SCRG1: variants seen among roughly 807,000 people sequenced by gnomAD.
The protein encoded by SCRG1 is scrapie-responsive protein 1.
Under a neutral mutation model 7.7 loss-of-function variants are expected in SCRG1, and 3 were observed. The ratio of observed to expected loss-of-function variants is 0.39; its 90% CI spans 0.18 to 1.01. The LOEUF (loss-of-function observed/expected upper bound fraction) is 1.01, where lower values mean the gene tolerates loss of function less well. SCRG1 is among the 50% of genes least tolerant of loss of function. The pLI is 0.36. For missense variants in SCRG1, 110 were observed against 117.2 expected (o/e 0.94, Z 0.28); for synonymous variants, 46 against 41.2 (o/e 1.12, Z -0.44).
the SCRG1 span, among the ~76,000 whole-genome samples, chr4:173,447,959 C>T: frequency 6.6e-6 from 1 of 152,154 alleles, no homozygotes; most frequent in African/African-American, 2.4e-5. Context: ...ACAAAATTAG[C>T]TGGGCATGGT....
chr4:173,422,179 T>A, the SCRG1 span, among the ~76,000 whole-genome samples: 1 of 152,214 alleles, frequency 6.6e-6, no homozygotes, highest in African/African-American at 2.4e-5. Context: ...GCAAAGTAAG[T>A]GGACTGTTAC....
chr4:173,485,587 T>C, the SCRG1 span, among the ~76,000 whole-genome samples: 1 of 152,146 alleles, frequency 6.6e-6, no homozygotes, highest in African/African-American at 2.4e-5. Flanking sequence ...TAGTTTGTTA[T>C]ACCATACTAT....
intron 2 of SCRG1, among the ~76,000 whole-genome samples, chr4:173,390,339 G>A (rs138904207): frequency 6.6e-6 from 1 of 152,230 alleles, no homozygotes; most frequent in East Asian, 1.9e-4. Context: ...TAGATAAATT[G>A]TCTTGAACTT....
chr4:173,490,508 G>C, the SCRG1 span, among the ~76,000 whole-genome samples: 1 of 152,088 alleles, frequency 6.6e-6, no homozygotes, highest in Non-Finnish European at 1.5e-5. Flanking sequence ...CAGGCCCTGC[G>C]GGTCATGGAC....
At chr4:173,484,284 T>A in the SCRG1 span, among the ~76,000 whole-genome samples, 14 of 79,200 alleles carry the variant, frequency 1.8e-4, no homozygotes, top group African/African-American at 5.1e-4. Context: ...TATCATATAT[T>A]TTCTATGTAA....
the SCRG1 span, among the ~76,000 whole-genome samples, chr4:173,511,861 C>T: frequency 2.0e-5 from 3 of 152,136 alleles, no homozygotes; most frequent in South Asian, 2.1e-4. This position sits in a 1 kb window ranked among gnomAD's most constrained non-coding sequence, Gnocchi z 5.2. Flanking sequence ...GGTGCCCTCC[C>T]TCTGGTTGTT....
chr4:173,416,704 C>T, the SCRG1 span, among the ~76,000 whole-genome samples: 1 of 152,236 alleles, frequency 6.6e-6, no homozygotes, highest in South Asian at 2.1e-4. Context: ...TGGGGCTATC[C>T]CCCGGCTCCT....
chr4:173,445,513 TG>T, the SCRG1 span, among the ~76,000 whole-genome samples: 1 of 140,108 alleles, frequency 7.1e-6, no homozygotes, highest in Non-Finnish European at 1.5e-5. Context: ...ACCCGGGAGG[TG>T]GAGGTTGTGG....
chr4:173,421,416 TG>T, the SCRG1 span, among the ~76,000 whole-genome samples: 1 of 147,468 alleles, frequency 6.8e-6, no homozygotes, highest in African/African-American at 2.5e-5. Flanking sequence ...TTTAGTTTGT[TG>T]GGGGGGGGTT....
At chr4:173,415,671 C>T in the SCRG1 span, among the ~76,000 whole-genome samples, 58 of 152,234 alleles carry the variant, frequency 3.8e-4, no homozygotes, top group African/African-American at 1.3e-3. Flanking sequence ...GGTATTTCAC[C>T]TTTGTTCTGG....
At chr4:173,482,429 T>C in the SCRG1 span, among the ~76,000 whole-genome samples, 5 of 152,142 alleles carry the variant, frequency 3.3e-5, no homozygotes, top group African/African-American at 7.2e-5. Context: ...CAGTCACAGG[T>C]CTTTGCAGTA....
At chr4:173,437,182 T>C in the SCRG1 span, among the ~76,000 whole-genome samples, 2 of 152,168 alleles carry the variant, frequency 1.3e-5, no homozygotes, top group Non-Finnish European at 2.9e-5. Flanking sequence ...TACCCCACCT[T>C]ACCAGAGCAT....
At chr4:173,395,508 T>A (rs1739579164) in intron 1 of SCRG1, among the ~76,000 whole-genome samples, 1 of 152,228 alleles carries the variant, frequency 6.6e-6, no homozygotes, top group Admixed American at 6.5e-5. Context: ...TCTTTAATCC[T>A]ATGTATGTGT....
the SCRG1 span, among the ~76,000 whole-genome samples, chr4:173,483,831 A>G: frequency 0.18 from 2,714 of 15,380 alleles, 741 homozygotes; most frequent in Non-Finnish European, 0.3. Flanking sequence ...TAATATATAT[A>G]ATATATAATA....
At chr4:173,418,689 T>C in the SCRG1 span, among the ~76,000 whole-genome samples, 1 of 152,182 alleles carries the variant, frequency 6.6e-6, no homozygotes, top group Non-Finnish European at 1.5e-5. Context: ...TGTCAAATTG[T>C]AATTCTCAGT....
At chr4:173,393,746 A>G (rs956443678) in intron 1 of SCRG1, among the ~76,000 whole-genome samples, 4 of 151,322 alleles carry the variant, frequency 2.6e-5, no homozygotes, top group Admixed American at 2.6e-4. Context: ...TTGTGTTGCT[A>G]TTTCTCATTT....
upstream of SCRG1, among the ~76,000 whole-genome samples, chr4:173,409,144 T>A (rs1015091348): frequency 2.6e-5 from 4 of 152,194 alleles, no homozygotes; most frequent in African/African-American, 9.6e-5. Flanking sequence ...TGAGGACTTT[T>A]TAACCAATAA....
At chr4:173,450,302 C>A in the SCRG1 span, among the ~76,000 whole-genome samples, 1 of 152,168 alleles carries the variant, frequency 6.6e-6, no homozygotes, top group Non-Finnish European at 1.5e-5. Flanking sequence ...TTTGACATTA[C>A]AATTCCAGAT....
the SCRG1 span, among the ~76,000 whole-genome samples, chr4:173,506,011 T>C: frequency 6.6e-6 from 1 of 152,198 alleles, no homozygotes; most frequent in Non-Finnish European, 1.5e-5. The surrounding 1 kb of genome is among the most constrained non-coding windows in gnomAD (Gnocchi z 5.3). Flanking sequence ...TCTAAGCCTG[T>C]GTTGTCCCCG....
Sources: gnomAD v4.1 joint callset for allele counts (sites outside exome capture counted in the v4.1 genomes callset) on GRCh38, gnomAD v4.1.1 for gene constraint, Gnocchi (gnomAD v3.1) non-coding constraint, MANE v1.5 for transcripts, NCBI Gene and HGNC (gene_info 2026-07-23, HGNC 2026-07-21) for gene names.